Variants in NKAIN2 observed in about 807,000 individuals in gnomAD.
NKAIN2 encodes the protein sodium/potassium-transporting ATPase subunit beta-1-interacting protein 2.
In NKAIN2, 14 loss-of-function variants were observed where a neutral mutation model predicts 32.6. That is an observed-to-expected ratio of 0.43 (90% CI 0.28 to 0.67). NKAIN2 has a LOEUF of 0.67. Ranked by LOEUF, NKAIN2 falls within the 30% of genes least tolerant of loss-of-function variation. The pLI is 0.17. For missense variants in NKAIN2, 198 were observed against 258.3 expected, an observed-to-expected ratio of 0.77 and a Z score of 1.60; for synonymous variants, 80 against 87.2, an observed-to-expected ratio of 0.92 and a Z score of 0.46.
chr6:124,046,927 T>C (rs1782165822), intron 1 of NKAIN2, among the ~76,000 whole-genome samples: 1 of 152,018 alleles, frequency 6.6e-6, no homozygotes, highest in Admixed American at 6.6e-5. Context: ...GAAAATGGTC[T>C]ACAATTTGAC....
intron 5 of NKAIN2, among the ~76,000 whole-genome samples, chr6:124,797,195 A>G (rs548295473): frequency 0.017 from 2,540 of 147,734 alleles, 81 homozygotes; most frequent in African/African-American, 0.06. Context: ...AAAAAAAATC[A>G]TCATGACTTC....
intron 4 of NKAIN2, among the ~76,000 whole-genome samples, chr6:124,766,480 C>T (rs900633989): frequency 2.0e-5 from 3 of 152,176 alleles, no homozygotes; most frequent in Non-Finnish European, 4.4e-5. Context: ...TGCCTACTCA[C>T]AAAATCATTG....
intron 3 of NKAIN2, among the ~76,000 whole-genome samples, chr6:124,428,901 A>T (rs955478250): frequency 2.0e-5 from 3 of 152,156 alleles, no homozygotes; most frequent in African/African-American, 7.2e-5. Flanking sequence ...GCAGGGTTTT[A>T]AATCACCCAG....
chr6:124,133,469 A>T (rs937834132), intron 1 of NKAIN2, among the ~76,000 whole-genome samples: 1 of 152,254 alleles, frequency 6.6e-6, no homozygotes, highest in South Asian at 2.1e-4. Flanking sequence ...CCTGCTCAAG[A>T]CTGGGACCTC....
intron 1 of NKAIN2, among the ~76,000 whole-genome samples, chr6:124,004,616 A>G (rs1780001428): frequency 6.6e-6 from 1 of 151,974 alleles, no homozygotes; most frequent in Admixed American, 6.6e-5. Context: ...CAAAGACAGA[A>G]AACCAAACAC....
chr6:124,278,650 C>CATATGT lies in NKAIN2; in HGVS notation c.55-4351_55-4350insGTATAT, dbSNP rs397948818. 1.6e-3 allele frequency among the ~76,000 whole-genome samples: 109 copies of CATATGT among 68,988 alleles called. 4 individuals carry two copies. Among genetic ancestry groups the CATATGT allele is most frequent in the African/African-American group, 4.6e-3 (102 of 21,970 alleles). The allele number at this position is 68,988 out of a possible 152,430, so 45.3% of individuals were successfully genotyped here. A position where few individuals can be genotyped will look rare whatever the true frequency, so the allele number is the denominator to read the frequency against. The stretch of plus-strand genomic sequence containing the variant: ...CACACAAACACACATATACATAGCT[C>CATATGT]ATATATATATATATATATATATATA... On this transcript the variant is annotated intron_variant, in intron 1 of 6. Coordinates refer to ENST00000368417, the MANE Select transcript of NKAIN2 (RefSeq NM_001040214.3).
At chr6:124,268,870 T>C (rs1582958505) in intron 1 of NKAIN2, among the ~76,000 whole-genome samples, 1 of 152,256 alleles carries the variant, frequency 6.6e-6, no homozygotes, top group East Asian at 1.9e-4. Flanking sequence ...TTGGTCAAGT[T>C]AATCTTTCTC....
intron 1 of NKAIN2, among the ~76,000 whole-genome samples, chr6:123,945,839 T>G (rs1777038132): frequency 6.6e-6 from 1 of 152,150 alleles, no homozygotes; most frequent in Admixed American, 6.6e-5. Context: ...ATTTAGAACG[T>G]TTAACCCTGA....
intron 1 of NKAIN2, among the ~76,000 whole-genome samples, chr6:123,906,493 A>G (rs1490056467): frequency 6.6e-6 from 1 of 152,050 alleles, no homozygotes; most frequent in Non-Finnish European, 1.5e-5. Flanking sequence ...GGGTTTCTCC[A>G]TGTTGCCCAG....
intron 1 of NKAIN2, among the ~76,000 whole-genome samples, chr6:124,123,104 A>G (rs1032515951): frequency 2.0e-5 from 3 of 152,086 alleles, no homozygotes; most frequent in Non-Finnish European, 4.4e-5. Flanking sequence ...TTAGAATTAT[A>G]TCTAGTATAA....
chr6:123,931,377 T>G (rs1776246118), intron 1 of NKAIN2, among the ~76,000 whole-genome samples: 1 of 152,120 alleles, frequency 6.6e-6, no homozygotes, highest in Admixed American at 6.6e-5. Flanking sequence ...CACTGAAAAA[T>G]GTATGTGGTA....
At chr6:124,162,018 G>A (rs997567892) in intron 1 of NKAIN2, among the ~76,000 whole-genome samples, 19 of 152,148 alleles carry the variant, frequency 1.2e-4, no homozygotes, top group African/African-American at 4.6e-4. Flanking sequence ...AACAGGGATT[G>A]TAAGTTTGTT....
intron 1 of NKAIN2, among the ~76,000 whole-genome samples, chr6:123,916,311 G>A (rs574645062): frequency 1.3e-4 from 20 of 152,210 alleles, no homozygotes; most frequent in African/African-American, 4.6e-4. Context: ...GGAGTGCAGT[G>A]GTGCAATCTC....
At chr6:124,219,658 A>T (rs61096592) in intron 1 of NKAIN2, among the ~76,000 whole-genome samples, 5,558 of 152,162 alleles carry the variant, frequency 0.037, 341 homozygotes, top group African/African-American at 0.13. Context: ...TTAAAAATTC[A>T]TAAGAAATAC....
At chr6:123,883,635 C>CT (rs201598563) in intron 1 of NKAIN2, among the ~76,000 whole-genome samples, 3 of 120,550 alleles carry the variant, frequency 2.5e-5, no homozygotes, top group Non-Finnish European at 3.6e-5. Context: ...AATTAAACCT[C>CT]TTTTTTAAAA....
intron 1 of NKAIN2, among the ~76,000 whole-genome samples, chr6:123,995,918 T>G (rs2114699918): frequency 6.6e-6 from 1 of 152,282 alleles, no homozygotes; most frequent in Non-Finnish European, 1.5e-5. Flanking sequence ...TTAATAAAAT[T>G]TATGGTTAGA....
chr6:124,805,319 G>C (rs1453473885), intron 5 of NKAIN2, among the ~76,000 whole-genome samples: 1 of 152,148 alleles, frequency 6.6e-6, no homozygotes, highest in African/African-American at 2.4e-5. Context: ...TCAGACAGCG[G>C]CATTCGCGGT....
intron 3 of NKAIN2, among the ~76,000 whole-genome samples, chr6:124,553,289 C>T (rs1780357417): frequency 6.6e-6 from 1 of 152,042 alleles, no homozygotes; most frequent in Non-Finnish European, 1.5e-5. Flanking sequence ...ATGTGCCAAA[C>T]GTATACAGGA....
At chr6:123,843,198 C>T (rs1358816901) in intron 1 of NKAIN2, among the ~76,000 whole-genome samples, 1 of 152,106 alleles carries the variant, frequency 6.6e-6, no homozygotes, top group Non-Finnish European at 1.5e-5. Context: ...TTTGGGTTCC[C>T]GCACCCAGTG....
Sources: allele counts gnomAD v4.1 joint callset (sites outside exome capture counted in the v4.1 genomes callset), GRCh38; gene constraint gnomAD v4.1.1; transcripts MANE v1.5; gene names NCBI Gene and HGNC (gene_info 2026-07-23, HGNC 2026-07-21).